Variants in ZSCAN20 observed in about 807,000 individuals in gnomAD.
ZSCAN20 encodes the protein zinc finger and SCAN domain-containing protein 20.
A neutral mutation model predicts 97.1 loss-of-function variants in ZSCAN20; 39 were observed. The observed-to-expected ratio is 0.40, with a 90% CI of 0.31 to 0.52. ZSCAN20 has a LOEUF of 0.52. Among genes scored for constraint, ZSCAN20 ranks in the 20% least tolerant of loss-of-function variants. The pLI is 0.49. For synonymous variants in ZSCAN20, 456 were observed against 467.3 expected, an observed-to-expected ratio of 0.98 and a Z score of 0.31; for missense variants, 1,115 against 1,290.4, an observed-to-expected ratio of 0.86 and a Z score of 2.08.
chr1:33,489,110 C>T lies in ZSCAN20; in HGVS notation c.605-5C>T, dbSNP rs543436485. 1.9e-6 allele frequency: 3 copies of T among 1,607,188 alleles called. No individual in the cohort carries two copies. The highest frequency in any genetic ancestry group is 1.1e-5 in the South Asian group (1 of 90,200). ...TGGGTTTCAGTGACTTTTTCTTTTC[C>T]TCAGCTGTCCTCACTCCCCGAGTCC... On this transcript the variant is annotated splice_polypyrimidine_tract_variant and splice_region_variant and intron_variant, in intron 3 of 7. Coordinates refer to ENST00000684572, the MANE Select transcript of ZSCAN20 (RefSeq NM_001377376.1).
chr1:33,480,156 G>A (rs889860316), intron 2 of ZSCAN20, among the ~76,000 whole-genome samples: 2 of 152,182 alleles, frequency 1.3e-5, no homozygotes, highest in African/African-American at 4.8e-5. Flanking sequence ...AGTGCTTATA[G>A]CAGTAATGTA....
intron 6 of ZSCAN20, among the ~76,000 whole-genome samples, chr1:33,492,844 G>GAAAATCAC (rs1194638952): frequency 2.0e-5 from 3 of 151,318 alleles, no homozygotes; most frequent in African/African-American, 7.3e-5. Flanking sequence ...TGAATATGGG[G>GAAAATCAC]AAAATCACAT....
chr1:33,482,263 C>T (rs1418723412), intron 2 of ZSCAN20, among the ~76,000 whole-genome samples: 1 of 152,172 alleles, frequency 6.6e-6, no homozygotes, highest in African/African-American at 2.4e-5. Context: ...CAACACCGAT[C>T]TTTATACTGT....
In ZSCAN20 at chr1:33,501,614, G is replaced by A. The variant is rs1327534318; in HGVS notation, c.*6138G>A. On this transcript the variant is annotated 3_prime_UTR_variant, in exon 8 of 8. Transcript: ENST00000684572. ...ATTTTGGGATGGAATGGCCTGATAAGTTAATAAATTATATTAAACTGCCAA... is the reference window on the plus strand; with the variant it reads ...ATTTTGGGATGGAATGGCCTGATAAATTAATAAATTATATTAAACTGCCAA... Among the ~76,000 whole-genome samples, 1 of 148,822 alleles carries A rather than the reference G, an allele frequency of 6.7e-6. No individual in the cohort carries two copies. Among genetic ancestry groups the A allele is most frequent in the Non-Finnish European group, 1.5e-5 (1 of 67,706 alleles).
Position 33,494,803 on chromosome 1 carries a change from A to G in ZSCAN20, c.2459A>G (p.Asn820Ser). 1.2e-6 allele frequency: 2 copies of G among 1,614,212 alleles called. No homozygotes were observed. The highest frequency in any genetic ancestry group is 2.2e-5 in the East Asian group (1 of 44,878). ...CATCAGAGAATCCACTTGGGAGGAA[A>G]TCCTGACCAGTGTAGTGAGCCTGGG... ...LKHQRIHLGGNPDQCSEPGGN... is the reference protein window; with the variant it reads ...LKHQRIHLGGSPDQCSEPGGN... The change falls in exon 8 of 8, where the codon AAT becomes AGT. Residue 820 changes from asparagine (N) to serine (S), a missense_variant. Around this residue, in one of 3 missense-constraint regions of ZSCAN20, gnomAD observed 554 missense variants for 584.9 expected, o/e 0.95. Coordinates refer to ENST00000684572, the MANE Select transcript of ZSCAN20 (RefSeq NM_001377376.1).
At chr1:33,474,969 A>G (rs1651866114) in intron 1 of ZSCAN20, among the ~76,000 whole-genome samples, 1 of 152,200 alleles carries the variant, frequency 6.6e-6, no homozygotes, top group Non-Finnish European at 1.5e-5. Flanking sequence ...GCTGAGTAAG[A>G]TCAGGCTGTA....
intron 1 of ZSCAN20, among the ~76,000 whole-genome samples, chr1:33,478,505 G>A (rs1652018242): frequency 6.6e-6 from 1 of 152,060 alleles, no homozygotes; most frequent in African/African-American, 2.4e-5. Flanking sequence ...AGGTGCCTAA[G>A]GGACAGTCAA....
At chr1:33,477,870 G>A (rs1260705635) in intron 1 of ZSCAN20, among the ~76,000 whole-genome samples, 3 of 151,840 alleles carry the variant, frequency 2.0e-5, no homozygotes, top group African/African-American at 7.3e-5. Context: ...AGATGCTATG[G>A]GAGCTTGTGG....
At chr1:33,490,176 G>A in intron 5 of ZSCAN20, among the ~76,000 whole-genome samples, 1 of 152,160 alleles carries the variant, frequency 6.6e-6, no homozygotes. Flanking sequence ...CTGACTCATG[G>A]TAAGTTTAGA....
At position 33,494,994 on chromosome 1, in the gene ZSCAN20, T is replaced by A; in HGVS notation, c.2650T>A (p.Phe884Ile). ...LYECSECGRS[F>I]SKSSALISHQ... ...TGAGTGTTCTGAATGTGGAAGAAGC[T>A]TCTCTAAGAGCTCTGCCCTCATTAG... is the stretch of plus-strand genomic sequence containing the variant. The change falls in exon 8 of 8, where the codon TTC (phenylalanine) becomes ATC (isoleucine). Residue 884 changes from phenylalanine (F) to isoleucine (I), a missense_variant. Transcript: ENST00000684572. 1 of 1,614,092 alleles carries A rather than the reference T, an allele frequency of 6.2e-7. No homozygotes were observed. The highest frequency in any genetic ancestry group is 8.5e-7 in the Non-Finnish European group (1 of 1,180,012).
At chr1:33,473,192 C>T (rs956771099) in intron 1 of ZSCAN20, among the ~76,000 whole-genome samples, 2 of 152,146 alleles carry the variant, frequency 1.3e-5, no homozygotes, top group African/African-American at 4.8e-5. Flanking sequence ...CAAACCTGCA[C>T]TTCTTTCCTT....
chr1:33,495,699 A>G lies in ZSCAN20; in HGVS notation c.*223A>G. On this transcript the variant is annotated 3_prime_UTR_variant, in exon 8 of 8. Transcript: ENST00000684572. ...TTTCTTCTGTAAAGACCCACACAGA[A>G]TCCTGACTGTCCTTGTATTTGCTAT... 2.6e-6 allele frequency: 1 copy of G among 383,062 alleles called. No homozygotes were observed. The highest frequency in any genetic ancestry group is 3.8e-5 in the East Asian group (1 of 26,116). 23.7% of individuals were successfully genotyped at this position (383,062 alleles called of 1,614,324 possible).
In ZSCAN20 at chr1:33,484,638, G is replaced by C. The variant is rs567084846; in HGVS notation, c.418-3827G>C. Among the ~76,000 whole-genome samples, 307 of 107,770 alleles carry C rather than the reference G, an allele frequency of 2.8e-3. 2 individuals are homozygous for C. The highest frequency in any genetic ancestry group is 0.023 in the Middle Eastern group (4 of 174). 70.7% of individuals were successfully genotyped at this position (107,770 alleles called of 152,430 possible). ...TTGCATCTTTTTTTTTTTTTTTTTA[G>C]CTGGAGTCTTGTTGGTTCTGTCGCC... On this transcript the variant is annotated intron_variant, in intron 2 of 7. Transcript: ENST00000684572.
Position 33,495,428 on chromosome 1 carries a change from C to G in ZSCAN20, c.3084C>G (p.Ser1028=). 1 of 1,581,500 alleles carries G rather than the reference C, an allele frequency of 6.3e-7. No individual in the cohort carries two copies. Among genetic ancestry groups the G allele is most frequent in the Non-Finnish European group, 8.6e-7 (1 of 1,163,280 alleles). The change falls in exon 8 of 8, where the codon TCC becomes TCG. Residue 1028 remains serine (S), a synonymous_variant. Transcript: ENST00000684572. ...TECGKDFNNS[S]HFSAHRRTHA... is the part of the protein sequence containing the mutation. ...GTGGCAAAGACTTCAACAACAGTTC[C>G]CACTTCAGTGCTCACCGGAGAACCC...
At chr1:33,486,802 A>T (rs1389592769) in intron 2 of ZSCAN20, among the ~76,000 whole-genome samples, 1 of 152,160 alleles carries the variant, frequency 6.6e-6, no homozygotes. Flanking sequence ...TGATAAGCAG[A>T]TGCTTTCTCC....
At position 33,494,755 on chromosome 1, in the gene ZSCAN20, A is replaced by G. The variant is rs368843222; in HGVS notation, c.2411A>G (p.Asn804Ser). ...YKCGECWKSF[N>S]QSSNLLKHQR... is the part of the protein sequence containing the mutation. ...TGTGGAGAATGTTGGAAAAGCTTCA[A>G]CCAGAGCTCAAACCTTCTGAAACAT... Residue 804 changes from asparagine (N) to serine (S), a missense_variant, in exon 8 of 8, where the codon AAC (asparagine) becomes AGC (serine). Physicochemically the swap from Asn to Ser is conservative, Grantham distance 46. Coordinates refer to ENST00000684572, the MANE Select transcript of ZSCAN20 (RefSeq NM_001377376.1). 77 of 1,613,990 alleles carry G rather than the reference A, an allele frequency of 4.8e-5. No individual in the cohort carries two copies. The highest frequency in any genetic ancestry group is 5.7e-5 in the Non-Finnish European group (67 of 1,180,028).
chr1:33,484,952 G>T (rs924691973), intron 2 of ZSCAN20, among the ~76,000 whole-genome samples: 3 of 152,132 alleles, frequency 2.0e-5, no homozygotes, highest in African/African-American at 7.2e-5. Flanking sequence ...AGGAATATTG[G>T]TTTGTAGCTT....
intron 2 of ZSCAN20, among the ~76,000 whole-genome samples, chr1:33,486,382 TA>T (rs1456908761): frequency 6.6e-6 from 1 of 152,244 alleles, no homozygotes; most frequent in Non-Finnish European, 1.5e-5. Context: ...TCTGCTCCAC[TA>T]AGTTGTGATT....
intron 2 of ZSCAN20, among the ~76,000 whole-genome samples, chr1:33,485,581 T>C (rs954742473): frequency 2.3e-5 from 2 of 85,830 alleles, no homozygotes; most frequent in Non-Finnish European, 5.1e-5. Context: ...CTAACTTTTG[T>C]ATATTTTTTT....
Sources: allele counts gnomAD v4.1 joint callset (sites outside exome capture counted in the v4.1 genomes callset), GRCh38; gene constraint gnomAD v4.1.1; regional missense constraint gnomAD v4.1.1; transcripts MANE v1.5; gene names NCBI Gene and HGNC (gene_info 2026-07-23, HGNC 2026-07-21).